KCNMB2: variants seen among roughly 807,000 people sequenced by gnomAD.
The protein encoded by KCNMB2 is calcium-activated potassium channel subunit beta-2.
KCNMB2 carries 9 observed loss-of-function variants against 24.5 expected under a neutral mutation model. The observed-to-expected ratio is 0.37, with a 90% CI of 0.22 to 0.64. KCNMB2 has a LOEUF of 0.64. Among genes scored for constraint, KCNMB2 ranks in the 30% least tolerant of loss-of-function variants. The pLI, the probability that KCNMB2 is intolerant of heterozygous loss-of-function variation, is 0.63. For synonymous variants in KCNMB2, 109 were observed against 104.4 expected (o/e 1.04, Z -0.27); for missense variants, 226 against 284.3 (o/e 0.79, Z 1.47).
intron 1 of KCNMB2, among the ~76,000 whole-genome samples, chr3:178,561,974 T>G (rs1716332340): frequency 6.6e-6 from 1 of 152,252 alleles, no homozygotes; most frequent in Non-Finnish European, 1.5e-5. Flanking sequence ...TTATCCACTT[T>G]GGTGTACATG....
At chr3:178,833,665 T>C (rs368728926) in intron 4 of KCNMB2, among the ~76,000 whole-genome samples, 13 of 152,174 alleles carry the variant, frequency 8.5e-5, no homozygotes, top group Non-Finnish European at 1.5e-4. Flanking sequence ...GCGCTACTGA[T>C]AATAACTGTC....
At chr3:178,814,579 C>A (rs530595843) in intron 2 of KCNMB2, among the ~76,000 whole-genome samples, 8 of 152,272 alleles carry the variant, frequency 5.3e-5, no homozygotes, top group African/African-American at 1.9e-4. Flanking sequence ...AGAGGTTGAA[C>A]TAAGTTACAT....
Position 178,807,363 on chromosome 3 carries a change from G to A in KCNMB2, c.-47G>A. The A allele has an allele frequency of 6.4e-7, 1 of 1,553,444 alleles. No individual in the cohort carries two copies. The highest frequency in any genetic ancestry group is 8.9e-7 in the Non-Finnish European group (1 of 1,127,194). The stretch of plus-strand genomic sequence containing the variant: ...TCTAGGTCTTTTTGCCATTCCTCCA[G>A]GACATCCACCATAAGGAAAGGAGAC... On this transcript the variant is annotated 5_prime_UTR_variant, in exon 2 of 5. Transcript: ENST00000452583.
At chr3:178,615,227 C>G (rs1190920755) in intron 1 of KCNMB2, among the ~76,000 whole-genome samples, 4 of 152,200 alleles carry the variant, frequency 2.6e-5, no homozygotes, top group Non-Finnish European at 4.4e-5. Context: ...AGATCTGAAA[C>G]AGCACAATAC....
In KCNMB2 at chr3:178,759,561, A is replaced by G. The variant is rs564792329; in HGVS notation, c.-67-47782A>G. Among the ~76,000 whole-genome samples the G allele has an allele frequency of 4.6e-4, 61 of 132,246 alleles. 4 individuals are homozygous for G. Among genetic ancestry groups the G allele is most frequent in the African/African-American group, 1.7e-3 (57 of 34,360 alleles). The allele number at this position is 132,246 out of a possible 152,430, so 86.8% of individuals were successfully genotyped here. On this transcript the variant is annotated intron_variant, in intron 1 of 4. Transcript: ENST00000452583. ...TATCTCTCTCCAAGAGGATATATAT[A>G]TCTCTCTCCACGAGGATATATATAC... is the stretch of plus-strand genomic sequence containing the variant.
At chr3:178,811,973 T>A (rs1013069431) in intron 2 of KCNMB2, among the ~76,000 whole-genome samples, 1 of 152,170 alleles carries the variant, frequency 6.6e-6, no homozygotes, top group Non-Finnish European at 1.5e-5. Flanking sequence ...TTTGCCCCAA[T>A]TAGGTCAAAT....
chr3:178,690,744 A>G (rs1172103603), intron 1 of KCNMB2, among the ~76,000 whole-genome samples: 1 of 152,222 alleles, frequency 6.6e-6, no homozygotes, highest in Non-Finnish European at 1.5e-5. Flanking sequence ...AGTCAGATTC[A>G]GCACTATGGA....
At chr3:178,568,906 A>AGATG (rs1241105629) in intron 1 of KCNMB2, among the ~76,000 whole-genome samples, 1 of 150,176 alleles carries the variant, frequency 6.7e-6, no homozygotes, top group Non-Finnish European at 1.5e-5. Context: ...ATAGATGGAT[A>AGATG]GATAGACTGA....
intron 1 of KCNMB2, among the ~76,000 whole-genome samples, chr3:178,746,530 T>C (rs555445975): frequency 2.0e-5 from 3 of 152,348 alleles, no homozygotes; most frequent in East Asian, 1.9e-4. Context: ...TTGTTACTTA[T>C]GCAAATTTCT....
At chr3:178,560,853 A>G (rs2108464092) in intron 1 of KCNMB2, among the ~76,000 whole-genome samples, 1 of 152,334 alleles carries the variant, frequency 6.6e-6, no homozygotes, top group East Asian at 1.9e-4. Context: ...TGCTTGCCCA[A>G]GATAACACAG....
Position 178,825,701 on chromosome 3 carries a change from G to T in KCNMB2, c.170G>T (p.Cys57Phe). The T allele has an allele frequency of 1.2e-6, 2 of 1,613,486 alleles. No homozygotes were observed. The highest frequency in any genetic ancestry group is 1.1e-5 in the South Asian group (1 of 91,062). Residue 57 changes from cysteine to phenylalanine, a missense_variant, in exon 3 of 5, where the codon TGC becomes TTC. Physicochemically the swap from Cys to Phe is radical, Grantham distance 205. Coordinates refer to ENST00000452583, the MANE Select transcript of KCNMB2 (RefSeq NM_181361.3). ...CTCCTGGGACTGGCTATGATGGTGT[G>T]CTCCATCATGATGTATTTTCTGCTG... Reference protein sequence around the residue: ...AILLGLAMMVCSIMMYFLLGI... With the variant: ...AILLGLAMMVFSIMMYFLLGI...
In KCNMB2 at chr3:178,739,736, G is replaced by T. The variant is rs533643221; in HGVS notation, c.-67-67607G>T. 3.3e-5 allele frequency among the ~76,000 whole-genome samples: 5 copies of T among 152,288 alleles called. 1 individual carries two copies. The South Asian group carries it at 1.0e-3, about 32-fold the overall frequency. On this transcript the variant is annotated intron_variant, in intron 1 of 4. Coordinates refer to ENST00000452583, the MANE Select transcript of KCNMB2 (RefSeq NM_181361.3). ...GAGGTCACAATCTCTAACGCTTACT[G>T]GGGCAGGCAGGTAACATAAAGGTGA... is the stretch of plus-strand genomic sequence containing the variant.
intron 3 of KCNMB2, among the ~76,000 whole-genome samples, 179 bp downstream of exon 3, chr3:178,825,937 T>C (rs4076993): frequency 0.63 from 96,126 of 152,022 alleles, 31,865 homozygotes; most frequent in African/African-American, 0.83. Flanking sequence ...TATAGCTCTA[T>C]GTATAATCTG....
intron 1 of KCNMB2, among the ~76,000 whole-genome samples, chr3:178,759,732 ATATATATCCAAGAGGATATATC>A (rs1711652589): frequency 1.8e-5 from 1 of 55,318 alleles, no homozygotes; most frequent in Non-Finnish European, 3.4e-5. Flanking sequence ...ATATACACAT[ATATATATCCAAGAGGATATATC>A]TATATATATA....
rs71628070 is a variant in KCNMB2, at chr3:178,778,455, GACACACACACACACACACAC to G, written c.-67-28859_-67-28840del. ...ATTATGCCTGATTTCTACCCTTTAA[GACACACACACACACACACAC>G]ACACACACACACACACACACACACA... On this transcript the variant is annotated intron_variant, in intron 1 of 4. Coordinates refer to ENST00000452583, the MANE Select transcript of KCNMB2 (RefSeq NM_181361.3). Among the ~76,000 whole-genome samples the G allele has an allele frequency of 4.3e-3, 552 of 127,542 alleles. 5 individuals carry two copies. Among genetic ancestry groups the G allele is most frequent in the African/African-American group, 0.011 (404 of 36,642 alleles). The allele number at this position is 127,542 out of a possible 152,430, so 83.7% of individuals were successfully genotyped here.
In KCNMB2 at chr3:178,753,042, A is replaced by G. The variant is rs373499441; in HGVS notation, c.-67-54301A>G. On this transcript the variant is annotated intron_variant, in intron 1 of 4. Coordinates refer to ENST00000452583, the MANE Select transcript of KCNMB2 (RefSeq NM_181361.3). ...TTTCTTTCTGCTGAACTTGCATTTT[A>G]TACTAGGTTTGCTCAACTCTCTGAT... 3.5e-4 allele frequency among the ~76,000 whole-genome samples: 53 copies of G among 152,272 alleles called. 1 individual carries two copies. In the South Asian group the frequency reaches 0.011, roughly 31 times the overall value.
At chr3:178,691,867 C>A (rs1317023647) in intron 1 of KCNMB2, among the ~76,000 whole-genome samples, 1 of 148,774 alleles carries the variant, frequency 6.7e-6, no homozygotes, top group Non-Finnish European at 1.5e-5. Flanking sequence ...ACATTCCCAC[C>A]AACAGTCTAT....
At chr3:178,771,938 C>G (rs534008038) in intron 1 of KCNMB2, among the ~76,000 whole-genome samples, 1 of 151,968 alleles carries the variant, frequency 6.6e-6, no homozygotes, top group Non-Finnish European at 1.5e-5. Context: ...TACCTCATGA[C>G]CAGATCCCTT....
chr3:178,670,078 T>C (rs545882112), intron 1 of KCNMB2, among the ~76,000 whole-genome samples: 1 of 152,288 alleles, frequency 6.6e-6, no homozygotes, highest in South Asian at 2.1e-4. Flanking sequence ...GTGAAGGATA[T>C]AAAACAGGAC....
Sources: gnomAD v4.1 joint callset for allele counts (sites outside exome capture counted in the v4.1 genomes callset) on GRCh38, gnomAD v4.1.1 for gene constraint, MANE v1.5 for transcripts, NCBI Gene and HGNC (gene_info 2026-07-23, HGNC 2026-07-21) for gene names.